Variants in GLIS3 observed in about 807,000 individuals in gnomAD.
The protein encoded by GLIS3 is GLIS family zinc finger 3, also known as zinc finger protein GLIS3.
GLIS3 carries 53 observed loss-of-function variants against 78.6 expected under a neutral mutation model. That is an observed-to-expected ratio of 0.67 (90% CI 0.54 to 0.85). GLIS3 has a LOEUF of 0.85. Ranked by LOEUF, GLIS3 falls within the 40% of genes least tolerant of loss-of-function variation. The pLI is 0.00. For missense variants in GLIS3, 1,703 were observed against 1,231.1 expected, an observed-to-expected ratio of 1.38 and a Z score of -5.74; for synonymous variants, 684 against 509.9, an observed-to-expected ratio of 1.34 and a Z score of -4.60.
At chr9:3,979,721 G>T (rs751535607) in intron 4 of GLIS3, among the ~76,000 whole-genome samples, 27 of 152,130 alleles carry the variant, frequency 1.8e-4, no homozygotes, top group Non-Finnish European at 3.8e-4. Context: ...GACTATCACA[G>T]TAGGATCCAC....
intron 4 of GLIS3, among the ~76,000 whole-genome samples, chr9:4,016,783 T>A (rs1299561487): frequency 6.6e-6 from 1 of 152,106 alleles, no homozygotes; most frequent in Non-Finnish European, 1.5e-5. Context: ...ATCTGTCAGG[T>A]TTTCTCAGCT....
chr9:3,929,539 C>G (rs1289740043), intron 6 of GLIS3, among the ~76,000 whole-genome samples: 3 of 152,062 alleles, frequency 2.0e-5, no homozygotes, highest in Non-Finnish European at 2.9e-5. Flanking sequence ...GGCCCCGATT[C>G]CACAGTAGGA....
intron 2 of GLIS3, among the ~76,000 whole-genome samples, chr9:4,262,315 T>C (rs1563854337): frequency 6.6e-6 from 1 of 152,118 alleles, no homozygotes; most frequent in African/African-American, 2.4e-5. Context: ...CCGCTATTTT[T>C]GCAAATTCAC....
intron 6 of GLIS3, among the ~76,000 whole-genome samples, chr9:3,912,184 T>C (rs1272547648): frequency 1.3e-5 from 2 of 152,166 alleles, no homozygotes; most frequent in Non-Finnish European, 2.9e-5. Context: ...TCTTGTTGCA[T>C]AAAATTAATT....
chr9:4,441,541 T>C, the GLIS3 span, among the ~76,000 whole-genome samples: 1 of 152,206 alleles, frequency 6.6e-6, no homozygotes, highest in South Asian at 2.1e-4. Flanking sequence ...TAAATTTGAT[T>C]TGCTAGTGTT....
intron 2 of GLIS3, among the ~76,000 whole-genome samples, chr9:4,268,634 T>G (rs1254678661): frequency 6.6e-6 from 1 of 152,240 alleles, no homozygotes; most frequent in Non-Finnish European, 1.5e-5. Context: ...GTATAATCCC[T>G]GACTTCTGTT....
At chr9:3,919,247 C>T (rs780628147) in intron 6 of GLIS3, among the ~76,000 whole-genome samples, 15 of 152,102 alleles carry the variant, frequency 9.9e-5, no homozygotes, top group Non-Finnish European at 8.8e-5. Flanking sequence ...GAAATCAGAC[C>T]GCCATAGTCA....
intron 4 of GLIS3, among the ~76,000 whole-genome samples, chr9:3,966,288 T>G (rs1444652612): frequency 6.6e-6 from 1 of 152,214 alleles, no homozygotes; most frequent in African/African-American, 2.4e-5. Context: ...GATGCCATTA[T>G]GGGACATGAC....
intron 4 of GLIS3, among the ~76,000 whole-genome samples, chr9:3,939,422 C>T (rs1588273007): frequency 6.6e-6 from 1 of 152,200 alleles, no homozygotes. Context: ...TAAATGTCCA[C>T]TTGAATATTC....
intron 4 of GLIS3, among the ~76,000 whole-genome samples, chr9:4,075,705 C>T (rs1042098342): frequency 4.0e-5 from 6 of 151,800 alleles, no homozygotes; most frequent in Non-Finnish European, 8.8e-5. Flanking sequence ...CCAGAAACAA[C>T]CCAAGTGCCC....
At chr9:4,197,881 A>C (rs1819009046) in intron 2 of GLIS3, among the ~76,000 whole-genome samples, 1 of 152,192 alleles carries the variant, frequency 6.6e-6, no homozygotes, top group Non-Finnish European at 1.5e-5. Context: ...CCAAAAGACC[A>C]TACCCAGCAT....
chr9:4,230,865 C>T (rs1822194006), intron 2 of GLIS3, among the ~76,000 whole-genome samples: 1 of 152,140 alleles, frequency 6.6e-6, no homozygotes, highest in South Asian at 2.1e-4. Context: ...ATAAATTCAG[C>T]CCACATGAAA....
intron 1 of GLIS3, among the ~76,000 whole-genome samples, chr9:4,299,016 A>T (rs1354990938): frequency 6.6e-6 from 1 of 152,158 alleles, no homozygotes; most frequent in African/African-American, 2.4e-5. Flanking sequence ...TGGGGACTCC[A>T]GAGTGGTGCG....
chr9:4,123,451 G>C (rs960572337), intron 3 of GLIS3, among the ~76,000 whole-genome samples: 3 of 152,060 alleles, frequency 2.0e-5, no homozygotes, highest in Non-Finnish European at 4.4e-5. Flanking sequence ...TGCAACAAAA[G>C]ATGTACAGAG....
intron 1 of GLIS3, among the ~76,000 whole-genome samples, chr9:4,298,657 T>C (rs922789028): frequency 1.3e-5 from 2 of 152,040 alleles, no homozygotes; most frequent in Non-Finnish European, 2.9e-5. Flanking sequence ...TTCCAAACAG[T>C]GCTGACATTT....
At chr9:4,036,951 G>A (rs541497963) in intron 4 of GLIS3, among the ~76,000 whole-genome samples, 18 of 152,216 alleles carry the variant, frequency 1.2e-4, no homozygotes, top group African/African-American at 2.2e-4. Context: ...TAGTCCTATC[G>A]AAGTTACTAC....
intron 9 of GLIS3, among the ~76,000 whole-genome samples, chr9:3,846,624 A>C (rs1819060963): frequency 6.6e-6 from 1 of 152,082 alleles, no homozygotes; most frequent in Non-Finnish European, 1.5e-5. Flanking sequence ...CTTGCCTCCA[A>C]ACTGAAAATG....
chr9:3,887,105 ATC>A (rs1271231779), intron 7 of GLIS3, among the ~76,000 whole-genome samples: 1 of 152,160 alleles, frequency 6.6e-6, no homozygotes, highest in Non-Finnish European at 1.5e-5. Context: ...ATCCCTAAAA[ATC>A]TATTATTTCT....
the GLIS3 span, among the ~76,000 whole-genome samples, chr9:4,362,934 AG>A: frequency 6.6e-6 from 1 of 152,144 alleles, no homozygotes; most frequent in African/African-American, 2.4e-5. Context: ...GAGATGAAGA[AG>A]GTAGCAAGGG....
Sources: allele counts gnomAD v4.1 joint callset (sites outside exome capture counted in the v4.1 genomes callset), GRCh38; gene constraint gnomAD v4.1.1; transcripts MANE v1.5; gene names NCBI Gene and HGNC (gene_info 2026-07-23, HGNC 2026-07-21).